The following IGF2BP3 variants were observed in gnomAD, a reference collection of about 807,000 sequenced individuals.
IGF2BP3 encodes insulin-like growth factor 2 mRNA-binding protein 3.
In IGF2BP3, 9 loss-of-function variants were observed where a neutral mutation model predicts 73.8. The observed-to-expected ratio is 0.12, with a 90% CI of 0.07 to 0.21. IGF2BP3 has a LOEUF of 0.21. Among genes scored for constraint, IGF2BP3 ranks in the 10% least tolerant of loss-of-function variants. IGF2BP3 has a pLI of 1.00. For missense variants in IGF2BP3, 542 were observed against 714.0 expected (o/e 0.76, Z 2.75); for synonymous variants, 258 against 256.7 (o/e 1.01, Z -0.05).
At chr7:23,407,467 G>T (rs1268498529) in intron 3 of IGF2BP3, among the ~76,000 whole-genome samples, 1 of 151,966 alleles carries the variant, frequency 6.6e-6, no homozygotes, top group Non-Finnish European at 1.5e-5. Flanking sequence ...AAATTAGCTG[G>T]GCATGGTGGC....
At chr7:23,337,752 C>A (rs1005876044) in intron 10 of IGF2BP3, among the ~76,000 whole-genome samples, 22 of 152,202 alleles carry the variant, frequency 1.4e-4, no homozygotes, top group African/African-American at 5.1e-4. Context: ...CCAGGCTGGA[C>A]TGAAATTCCT....
At chr7:23,383,714 A>G (rs762167268) in intron 3 of IGF2BP3, among the ~76,000 whole-genome samples, 1 of 152,234 alleles carries the variant, frequency 6.6e-6, no homozygotes, top group African/African-American at 2.4e-5. Context: ...ATAGCCAAAA[A>G]GTGGAAACAA....
At chr7:23,443,576 C>G (rs895018130) in intron 2 of IGF2BP3, among the ~76,000 whole-genome samples, 4 of 152,038 alleles carry the variant, frequency 2.6e-5, no homozygotes, top group Non-Finnish European at 4.4e-5. Flanking sequence ...GAGGCTGAGG[C>G]AGGGGAATCT....
intron 3 of IGF2BP3, among the ~76,000 whole-genome samples, chr7:23,390,030 C>T (rs769728286): frequency 7.9e-5 from 12 of 151,960 alleles, no homozygotes; most frequent in African/African-American, 1.2e-4. Context: ...GGCAAATATG[C>T]CAAGTGAAAT....
chr7:23,320,300 C>T (rs539367927), intron 10 of IGF2BP3, among the ~76,000 whole-genome samples: 2 of 152,090 alleles, frequency 1.3e-5, no homozygotes, highest in African/African-American at 4.8e-5. Context: ...TATCTATGTA[C>T]CTCATTCCTT....
At chr7:23,442,797 T>C (rs1409258754) in intron 2 of IGF2BP3, among the ~76,000 whole-genome samples, 1 of 152,202 alleles carries the variant, frequency 6.6e-6, no homozygotes, top group Non-Finnish European at 1.5e-5. Context: ...TCAATTTTAA[T>C]TTATAAATAT....
intron 3 of IGF2BP3, among the ~76,000 whole-genome samples, chr7:23,374,417 C>G (rs1277776311): frequency 1.3e-5 from 2 of 152,122 alleles, no homozygotes; most frequent in African/African-American, 2.4e-5. Flanking sequence ...ATAATCCCAG[C>G]TCTTTGGGAG....
intron 3 of IGF2BP3, among the ~76,000 whole-genome samples, chr7:23,383,723 A>C (rs1785986593): frequency 6.6e-6 from 1 of 152,248 alleles, no homozygotes; most frequent in African/African-American, 2.4e-5. Flanking sequence ...AAGTGGAAAC[A>C]ACCAAAATGT....
At chr7:23,371,957 G>A (rs1785561903) in intron 3 of IGF2BP3, among the ~76,000 whole-genome samples, 1 of 152,114 alleles carries the variant, frequency 6.6e-6, no homozygotes, top group South Asian at 2.1e-4. Flanking sequence ...AGAGCTTAAG[G>A]GGCTTACGTT....
At position 23,340,345 on chromosome 7, in the gene IGF2BP3, AACAC is replaced by A. The variant is rs1784677024; in HGVS notation, c.1203+1715_1203+1718del. On this transcript the variant is annotated intron_variant, in intron 10 of 14. Coordinates refer to ENST00000258729, the MANE Select transcript of IGF2BP3 (RefSeq NM_006547.3). ...AGATGCTGCTGACAGTAAAGGCAGA[AACAC>A]ACACGGCAGGAGGGCAACTGCTTAG... is the stretch of plus-strand genomic sequence containing the variant. Among the ~76,000 whole-genome samples, 3 of 152,174 alleles carry A rather than the reference AACAC, an allele frequency of 2.0e-5. No homozygotes were observed. The South Asian group carries it at 6.2e-4, about 32-fold the overall frequency.
chr7:23,404,752 G>C (rs1283310114), intron 3 of IGF2BP3, among the ~76,000 whole-genome samples: 1 of 150,804 alleles, frequency 6.6e-6, no homozygotes, highest in African/African-American at 2.4e-5. Flanking sequence ...TCAAAATACG[G>C]CAAGTGGGGG....
At chr7:23,433,420 G>A (rs1787736432) in intron 2 of IGF2BP3, among the ~76,000 whole-genome samples, 1 of 151,668 alleles carries the variant, frequency 6.6e-6, no homozygotes, top group Non-Finnish European at 1.5e-5. Context: ...ACCAAAAAAA[G>A]CAAAATTTCT....
chr7:23,355,011 A>T (rs1217436238), intron 5 of IGF2BP3, among the ~76,000 whole-genome samples: 2 of 152,206 alleles, frequency 1.3e-5, no homozygotes, highest in Non-Finnish European at 2.9e-5. Flanking sequence ...CTTTCTAGGC[A>T]CAAAGTTTGT....
chr7:23,313,847 C>T (rs918210850), intron 12 of IGF2BP3, among the ~76,000 whole-genome samples, 194 bp from the exon 13 acceptor site: 1 of 152,166 alleles, frequency 6.6e-6, no homozygotes, highest in Non-Finnish European at 1.5e-5. Flanking sequence ...CTGCCCATCA[C>T]AGTAGAGGCA....
intron 2 of IGF2BP3, among the ~76,000 whole-genome samples, chr7:23,454,699 CA>C (rs1301508111): frequency 6.6e-6 from 1 of 152,156 alleles, no homozygotes; most frequent in Non-Finnish European, 1.5e-5. Context: ...TGTGTAGCTC[CA>C]AGCAAGATGC....
intron 3 of IGF2BP3, among the ~76,000 whole-genome samples, chr7:23,370,298 G>A (rs911960835): frequency 3.3e-5 from 5 of 152,322 alleles, no homozygotes; most frequent in Admixed American, 2.6e-4. Context: ...GTGTGTCACA[G>A]TAATCTAGTT....
chr7:23,345,858 A>G, intron 8 of IGF2BP3, 82 bp downstream of exon 8: 1 of 1,477,538 alleles, frequency 6.8e-7, no homozygotes, highest in Non-Finnish European at 9.1e-7. Flanking sequence ...AGCAGCTGTA[A>G]AGTGGGAAGC....
intron 3 of IGF2BP3, among the ~76,000 whole-genome samples, chr7:23,379,915 G>C (rs771073664): frequency 4.6e-5 from 7 of 152,056 alleles, no homozygotes; most frequent in Non-Finnish European, 7.3e-5. Flanking sequence ...TATTGTTAAC[G>C]AGTGAAGTCT....
Position 23,363,844 on chromosome 7 carries a change from T to C in IGF2BP3, c.286-2103A>G, listed in dbSNP as rs189433045. 1.3e-3 allele frequency among the ~76,000 whole-genome samples: 204 copies of C among 152,392 alleles called. 1 individual carries two copies. The highest frequency in any genetic ancestry group is 4.6e-3 in the African/African-American group (193 of 41,594). ...GTCTGTTTTATAGGTGAATTTGCCA[T>C]GTGATGTTGATCACAGACACATTTT... On this transcript the variant is annotated intron_variant, in intron 3 of 14. Transcript: ENST00000258729.
Sources: gnomAD v4.1 joint callset for allele counts (sites outside exome capture counted in the v4.1 genomes callset) on GRCh38, gnomAD v4.1.1 for gene constraint, MANE v1.5 for transcripts, NCBI Gene and HGNC (gene_info 2026-07-23, HGNC 2026-07-21) for gene names.